FKBP5: variants seen among roughly 807,000 people sequenced by gnomAD.
The protein encoded by FKBP5 is peptidyl-prolyl cis-trans isomerase FKBP5.
In FKBP5, 23 loss-of-function variants were observed where a neutral mutation model predicts 50.5. The observed-to-expected ratio is 0.46, with a 90% CI of 0.33 to 0.65. The LOEUF (loss-of-function observed/expected upper bound fraction) is 0.65, where lower values mean the gene tolerates loss of function less well. Ranked by LOEUF, FKBP5 falls within the 30% of genes least tolerant of loss-of-function variation. The pLI is 0.02. For synonymous variants in FKBP5, 176 were observed against 190.6 expected (o/e 0.92, Z 0.63); for missense variants, 411 against 553.1 (o/e 0.74, Z 2.58).
upstream of FKBP5, among the ~76,000 whole-genome samples, chr6:35,692,790 C>CAAA (rs71002588): frequency 6.6e-5 from 7 of 105,560 alleles, no homozygotes; most frequent in African/African-American, 1.1e-4. Context: ...GACTCTGTCT[C>CAAA]AAAAAAAAAA....
At chr6:35,623,290 C>T (rs1763903040) in intron 3 of FKBP5, among the ~76,000 whole-genome samples, 1 of 152,186 alleles carries the variant, frequency 6.6e-6, no homozygotes, top group Non-Finnish European at 1.5e-5. Flanking sequence ...ACATCAAATG[C>T]ATGGCACGGT....
At chr6:35,592,704 C>A (rs1020918732) in intron 6 of FKBP5, among the ~76,000 whole-genome samples, 4 of 152,184 alleles carry the variant, frequency 2.6e-5, no homozygotes, top group African/African-American at 4.8e-5. Context: ...TGCCTTAGAC[C>A]AGCAGATCTC....
chr6:35,668,968 G>A (rs1765307267), intron 1 of FKBP5, among the ~76,000 whole-genome samples: 1 of 151,964 alleles, frequency 6.6e-6, no homozygotes, highest in Non-Finnish European at 1.5e-5. Context: ...AAAGACTCCT[G>A]TAGGAAGTAT....
At position 35,688,895 on chromosome 6, in the gene FKBP5, C is replaced by T. The variant is rs1290808995; in HGVS notation, c.-111G>A. 6.6e-6 allele frequency: 1 copy of T among 151,472 alleles called. No individual in the cohort carries two copies. Among genetic ancestry groups the T allele is most frequent in the African/African-American group, 2.4e-5 (1 of 41,306 alleles). The allele number at this position is 151,472 out of a possible 1,614,324, so 9.4% of individuals were successfully genotyped here. A position where few individuals can be genotyped will look rare whatever the true frequency, so the allele number is the denominator to read the frequency against. On this transcript the variant is annotated 5_prime_UTR_variant, in exon 1 of 11. Transcript: ENST00000357266. ...CCCGCCCAGCAGGCCGCCCGCGCGC[C>T]GGACACCGCCGCCCGAGACTGGCAG...
chr6:35,585,433 C>T (rs1762569368), intron 8 of FKBP5: 1 of 984,974 alleles, frequency 1.0e-6, no homozygotes, highest in South Asian at 4.7e-5. Flanking sequence ...AGTTTAGAAA[C>T]TCACAGAAAT....
At chr6:35,604,624 TA>T (rs1326436894) in intron 5 of FKBP5, among the ~76,000 whole-genome samples, 2 of 152,182 alleles carry the variant, frequency 1.3e-5, no homozygotes, top group African/African-American at 2.4e-5. Context: ...CAATTTTTGG[TA>T]CCTTTTTGAT....
intron 1 of FKBP5, among the ~76,000 whole-genome samples, chr6:35,684,791 C>T (rs1031758964): frequency 6.6e-6 from 1 of 152,122 alleles, no homozygotes; most frequent in African/African-American, 2.4e-5. Context: ...CTTTGGGAGG[C>T]CAAAGCAGGA....
At position 35,599,925 on chromosome 6, in the gene FKBP5, G is replaced by C. The variant is rs558987889; in HGVS notation, c.509-2521C>G. The stretch of plus-strand genomic sequence containing the variant: ...GATGGGGATACATTCTGAGAGATGT[G>C]TCATCAGGTATTCTCATCACTGTGG... On this transcript the variant is annotated intron_variant, in intron 5 of 10. Coordinates refer to ENST00000357266, the MANE Select transcript of FKBP5 (RefSeq NM_004117.4). Among the ~76,000 whole-genome samples, 20 of 152,256 alleles carry C rather than the reference G, an allele frequency of 1.3e-4. 1 individual carries two copies. The South Asian group carries it at 3.7e-3, about 28-fold the overall frequency.
At chr6:35,705,298 A>G (rs1180307843) in intron 2 of FKBP5, among the ~76,000 whole-genome samples, 11 of 103,114 alleles carry the variant, frequency 1.1e-4, no homozygotes, top group African/African-American at 3.8e-4. Flanking sequence ...ACAGTGTCTC[A>G]CTCTGTCACC....
chr6:35,598,262 A>C (rs1209475732), intron 5 of FKBP5, among the ~76,000 whole-genome samples: 1 of 152,114 alleles, frequency 6.6e-6, no homozygotes, highest in Non-Finnish European at 1.5e-5. Context: ...GCTCTGTCTC[A>C]CCCAGGCTGG....
At chr6:35,645,259 T>C (rs1764599292) in intron 1 of FKBP5, among the ~76,000 whole-genome samples, 1 of 152,166 alleles carries the variant, frequency 6.6e-6, no homozygotes, top group Admixed American at 6.5e-5. Flanking sequence ...CCTACACTCC[T>C]GAAAAAATGT....
intron 1 of FKBP5, among the ~76,000 whole-genome samples, chr6:35,679,938 C>T (rs1765623446): frequency 6.6e-6 from 1 of 151,846 alleles, no homozygotes; most frequent in Non-Finnish European, 1.5e-5. Context: ...AATTTAAAAA[C>T]TTATAAATAA....
chr6:35,587,324 T>C (rs1270806846), intron 7 of FKBP5, among the ~76,000 whole-genome samples: 1 of 152,196 alleles, frequency 6.6e-6, no homozygotes, highest in Non-Finnish European at 1.5e-5. Flanking sequence ...GACCAAGCTG[T>C]AGCTTGAACA....
chr6:35,640,107 AAC>A (rs1247642445), intron 2 of FKBP5, among the ~76,000 whole-genome samples: 2 of 152,366 alleles, frequency 1.3e-5, no homozygotes, highest in African/African-American at 2.4e-5. Flanking sequence ...AGAGTGAAGA[AAC>A]ACACACAGTC....
At chr6:35,647,542 G>T (rs1402618270) in intron 1 of FKBP5, among the ~76,000 whole-genome samples, 1 of 152,238 alleles carries the variant, frequency 6.6e-6, no homozygotes, top group African/African-American at 2.4e-5. Flanking sequence ...AGAAGAGAAA[G>T]TTGCCTCCCA....
At chr6:35,586,001 T>C (rs1762587289) in intron 8 of FKBP5, 6 of 985,246 alleles carry the variant, frequency 6.1e-6, no homozygotes, top group Non-Finnish European at 7.2e-6. Flanking sequence ...CCATAAAGAC[T>C]TGTTAAAGTA....
At chr6:35,708,599 T>C (rs1330005712) in intron 2 of FKBP5, among the ~76,000 whole-genome samples, 4 of 151,866 alleles carry the variant, frequency 2.6e-5, no homozygotes, top group Non-Finnish European at 4.4e-5. Flanking sequence ...ATGAGGCAAA[T>C]CTATGTATAC....
intron 2 of FKBP5, among the ~76,000 whole-genome samples, chr6:35,698,172 G>A (rs766076145): frequency 1.3e-4 from 20 of 152,076 alleles, no homozygotes; most frequent in Non-Finnish European, 2.5e-4. Context: ...GTGAAACACC[G>A]TCTCTATTAA....
intron 2 of FKBP5, among the ~76,000 whole-genome samples, chr6:35,641,878 C>T (rs754402287): frequency 5.9e-5 from 9 of 151,868 alleles, no homozygotes; most frequent in Non-Finnish European, 1.2e-4. Context: ...CGCCTGTAAT[C>T]CCAGCTACTC....
Sources: allele counts gnomAD v4.1 joint callset (sites outside exome capture counted in the v4.1 genomes callset), GRCh38; gene constraint gnomAD v4.1.1; transcripts MANE v1.5; gene names NCBI Gene and HGNC (gene_info 2026-07-23, HGNC 2026-07-21).